The following THSD4 variants were observed in gnomAD, a reference collection of about 807,000 sequenced individuals.
THSD4 encodes the protein thrombospondin type 1 domain containing 4, also known as thrombospondin type-1 domain-containing protein 4.
Under a neutral mutation model 119.0 loss-of-function variants are expected in THSD4, and 69 were observed. The ratio of observed to expected loss-of-function variants is 0.58; its 90% confidence interval spans 0.48 to 0.71. THSD4 has a LOEUF of 0.71. Among genes scored for constraint, THSD4 ranks in the 30% least tolerant of loss-of-function variants. THSD4 has a pLI of 0.00. For missense variants in THSD4, 1,393 were observed against 1,391.1 expected (o/e 1.00, Z -0.02); for synonymous variants, 524 against 540.4 (o/e 0.97, Z 0.42).
At chr15:71,394,078 A>ATT (rs36141571) in intron 6 of THSD4, among the ~76,000 whole-genome samples, 11,832 of 147,934 alleles carry the variant, frequency 0.08, 838 homozygotes, top group African/African-American at 0.19. Flanking sequence ...GATACACAAT[A>ATT]TTTTTTTTTT....
In THSD4 at chr15:71,407,850, G is replaced by C. The variant is rs1475452889; in HGVS notation, c.1016-3837G>C. Among the ~76,000 whole-genome samples the C allele has an allele frequency of 5.3e-5, 8 of 152,274 alleles. No individual in the cohort carries two copies. In the East Asian group the frequency reaches 1.5e-3, roughly 29 times the overall value. On this transcript the variant is annotated intron_variant, in intron 6 of 17. Transcript: ENST00000261862. ...CCAGAGTTTCTGATCCAGGATGTCT[G>C]GGGTGAGGCCCAAGAATTTGCATTT...
intron 6 of THSD4, among the ~76,000 whole-genome samples, chr15:71,375,920 C>T (rs186183264): frequency 2.0e-5 from 3 of 152,284 alleles, no homozygotes; most frequent in African/African-American, 7.2e-5. Context: ...AGTTTGAGAA[C>T]AACTGACCTA....
At chr15:71,237,685 G>A (rs771698521) in intron 4 of THSD4, among the ~76,000 whole-genome samples, 2 of 152,172 alleles carry the variant, frequency 1.3e-5, no homozygotes, top group African/African-American at 4.8e-5. Flanking sequence ...AGGCACATGG[G>A]GTTGATGCTC....
intron 6 of THSD4, among the ~76,000 whole-genome samples, chr15:71,322,298 C>A (rs1295775564): frequency 6.6e-6 from 1 of 151,936 alleles, no homozygotes; most frequent in African/African-American, 2.4e-5. Flanking sequence ...CAACACTCAA[C>A]CCTTGCTGGA....
chr15:71,139,609 G>A (rs927616851), intron 1 of THSD4, among the ~76,000 whole-genome samples: 1 of 152,238 alleles, frequency 6.6e-6, no homozygotes, highest in African/African-American at 2.4e-5. Flanking sequence ...GATGATTACA[G>A]TTAAGAGGCT....
intron 7 of THSD4, among the ~76,000 whole-genome samples, chr15:71,580,685 T>C (rs2049541451): frequency 1.3e-5 from 2 of 152,180 alleles, no homozygotes; most frequent in Admixed American, 1.3e-4. Flanking sequence ...CATTCTACTC[T>C]CTGCTTTCAT....
In THSD4 at chr15:71,757,951, T is replaced by C. The variant is rs200870587; in HGVS notation, c.2465T>C (p.Met822Thr). 2 of 1,614,072 alleles carry C rather than the reference T, an allele frequency of 1.2e-6. No homozygotes were observed. Among genetic ancestry groups the C allele is most frequent in the Admixed American group, 3.3e-5 (2 of 60,032 alleles). The change falls in exon 15 of 18, where the codon ATG (methionine) becomes ACG (threonine). Residue 822 changes from methionine to threonine, a missense_variant. Physicochemically the swap from Met to Thr is moderately conservative, Grantham distance 81. Coordinates refer to ENST00000261862, the MANE Select transcript of THSD4 (RefSeq NM_024817.3). ...AGVRTRSVVC[M>T]TNHVSSLPLE... ...GTGCGGACACGCTCGGTGGTGTGCA[T>C]GACCAACCATGTCAGCAGCCTGCCC...
At chr15:71,705,609 GTTCTCAGAAGAGACAAGCTA>G (rs1403851303) in intron 8 of THSD4, among the ~76,000 whole-genome samples, 2 of 152,122 alleles carry the variant, frequency 1.3e-5, no homozygotes, top group Admixed American at 6.5e-5. Flanking sequence ...CCTTATTCTA[GTTCTCAGAAGAGACAAGCTA>G]TTCCAGCCCT....
intron 7 of THSD4, among the ~76,000 whole-genome samples, chr15:71,455,634 G>A (rs1444561746): frequency 6.6e-6 from 1 of 152,144 alleles, no homozygotes; most frequent in Non-Finnish European, 1.5e-5. Context: ...GTTCTCTGTA[G>A]CATGACACCA....
intron 6 of THSD4, among the ~76,000 whole-genome samples, chr15:71,369,020 C>G (rs889929381): frequency 9.2e-5 from 14 of 152,064 alleles, no homozygotes; most frequent in Non-Finnish European, 1.6e-4. Context: ...AAGTTGGATT[C>G]CTAGGTATTT....
Position 71,777,910 on chromosome 15 carries a change from A to G in THSD4, c.*536A>G, listed in dbSNP as rs2053943030. ...CATTAGACTGTTTTCCTGCCCTATG[A>G]CACAGATAGCTCACATGAATATTGT... On this transcript the variant is annotated 3_prime_UTR_variant, in exon 18 of 18. Transcript: ENST00000261862. 1.3e-5 allele frequency: 2 copies of G among 159,936 alleles called. No individual in the cohort carries two copies. Among genetic ancestry groups the G allele is most frequent in the African/African-American group, 4.8e-5 (2 of 41,764 alleles). The allele number at this position is 159,936 out of a possible 1,614,324, so 9.9% of individuals were successfully genotyped here.
chr15:71,648,297 C>T (rs1260377033), intron 7 of THSD4, among the ~76,000 whole-genome samples: 1 of 152,164 alleles, frequency 6.6e-6, no homozygotes, highest in African/African-American at 2.4e-5. Context: ...ATGGGGCTTC[C>T]TACTGCCTAA....
chr15:71,380,030 A>G (rs2046207180), intron 6 of THSD4, among the ~76,000 whole-genome samples: 1 of 152,120 alleles, frequency 6.6e-6, no homozygotes, highest in African/African-American at 2.4e-5. Context: ...AGTTTGCCTT[A>G]TAGCCACCTG....
intron 7 of THSD4, among the ~76,000 whole-genome samples, chr15:71,529,096 T>G (rs2048571927): frequency 6.6e-6 from 1 of 152,206 alleles, no homozygotes; most frequent in African/African-American, 2.4e-5. Context: ...CCCCTCTCCA[T>G]CTGCCAGGTG....
At chr15:71,645,473 A>G (rs972981293) in intron 7 of THSD4, among the ~76,000 whole-genome samples, 2 of 152,142 alleles carry the variant, frequency 1.3e-5, no homozygotes, top group Admixed American at 6.5e-5. Context: ...ACCTCCCACC[A>G]GGTTTCTCCC....
At chr15:71,672,056 A>G (rs1397109926) in intron 8 of THSD4, among the ~76,000 whole-genome samples, 1 of 152,158 alleles carries the variant, frequency 6.6e-6, no homozygotes, top group East Asian at 1.9e-4. Flanking sequence ...ATGGCATTGA[A>G]TCTATAAATT....
At chr15:71,530,018 A>G in intron 7 of THSD4, among the ~76,000 whole-genome samples, 1 of 152,206 alleles carries the variant, frequency 6.6e-6, no homozygotes, top group East Asian at 1.9e-4. Context: ...GCTAGGTGGC[A>G]GTGCTTCTGT....
chr15:71,249,291 A>G (rs1255337002), intron 5 of THSD4, among the ~76,000 whole-genome samples: 2 of 152,092 alleles, frequency 1.3e-5, no homozygotes, highest in Non-Finnish European at 2.9e-5. Context: ...TTTCATGATT[A>G]TAGAAAGTTG....
intron 6 of THSD4, among the ~76,000 whole-genome samples, chr15:71,347,622 C>A (rs2045683470): frequency 6.6e-6 from 1 of 152,192 alleles, no homozygotes; most frequent in South Asian, 2.1e-4. Flanking sequence ...ACAGGGGCTG[C>A]CATGGGGTTT....
Sources: allele counts gnomAD v4.1 joint callset (sites outside exome capture counted in the v4.1 genomes callset), GRCh38; gene constraint gnomAD v4.1.1; transcripts MANE v1.5; gene names NCBI Gene and HGNC (gene_info 2026-07-23, HGNC 2026-07-21).